The following ACAP3 variants were observed in gnomAD, a reference collection of about 807,000 sequenced individuals.
ACAP3 encodes ArfGAP with coiled-coil, ankyrin repeat and PH domains 3.
A neutral mutation model predicts 104.1 loss-of-function variants in ACAP3; 56 were observed. The observed-to-expected ratio is 0.54, with a 90% CI of 0.43 to 0.67. The LOEUF (loss-of-function observed/expected upper bound fraction) is 0.67. ACAP3 is among the 30% of genes least tolerant of loss of function. The probability of loss-of-function intolerance (pLI) is 0.00; values close to 1 mark genes in which losing one functional copy is unlikely to be tolerated. For missense variants in ACAP3, 1,208 were observed against 1,174.9 expected, an observed-to-expected ratio of 1.03 and a Z score of -0.41; for synonymous variants, 628 against 496.2, an observed-to-expected ratio of 1.27 and a Z score of -3.53.
At position 1,296,574 on chromosome 1, in the gene ACAP3, C is replaced by T; in HGVS notation, c.1188G>A (p.Arg396=). 1 of 1,539,790 alleles carries T rather than the reference C, an allele frequency of 6.5e-7. No homozygotes were observed. The highest frequency in any genetic ancestry group is 8.7e-7 in the Non-Finnish European group (1 of 1,146,678). ...CACTCTCGCCCTTCACGCCACGCTC[C>T]CGAGTGTCGGTGGCGGAGTCGATGC... ...TSSIDSATDT[R]ERGVKGESVL... The change falls in exon 15 of 24, where the codon CGG becomes CGA. Residue 396 remains arginine (R), a synonymous_variant. Transcript: ENST00000354700.
chr1:1,307,872 G>A lies in ACAP3; in HGVS notation c.-57C>T. 2.1e-6 allele frequency: 2 copies of A among 966,948 alleles called. No individual in the cohort carries two copies. Among genetic ancestry groups the A allele is most frequent in the East Asian group, 1.1e-4 (1 of 9,480 alleles). The allele number at this position is 966,948 out of a possible 1,614,324, so 59.9% of individuals were successfully genotyped here. On this transcript the variant is annotated 5_prime_UTR_variant, in exon 1 of 24. Coordinates refer to ENST00000354700, the MANE Select transcript of ACAP3 (RefSeq NM_030649.3). ...AGGACCGCGGCGCCGAGCGGCAGCC[G>A]CGCCGGCCCGGACCGCTCGTCCCGC... is the stretch of plus-strand genomic sequence containing the variant.
At position 1,296,254 on chromosome 1, in the gene ACAP3, A is replaced by T; in HGVS notation, c.1364T>A (p.Val455Glu). The T allele has an allele frequency of 6.4e-7, 1 of 1,561,080 alleles. No homozygotes were observed. Among genetic ancestry groups the T allele is most frequent in the Non-Finnish European group, 8.7e-7 (1 of 1,152,712 alleles). Reference sequence around the variant, plus strand: ...CCACGAGTCCAGCGTCAGGGACCGCACCTTGGAGCAGTGGACACCCAGGCT... The same window carrying T: ...CCACGAGTCCAGCGTCAGGGACCGCTCCTTGGAGCAGTGGACACCCAGGCT... The part of the protein sequence containing the change: ...HRSLGVHCSK[V>E]RSLTLDSWEP... The change falls in exon 16 of 24, where the codon GTG becomes GAG. Residue 455 changes from valine to glutamate, a missense_variant. Coordinates refer to ENST00000354700, the MANE Select transcript of ACAP3 (RefSeq NM_030649.3).
In ACAP3 at chr1:1,299,348, C is replaced by T. The variant is rs562214243; in HGVS notation, c.747G>A (p.Leu249=). Residue 249 remains leucine (L), a synonymous_variant, in exon 10 of 24, where the codon CTG becomes CTA. Transcript: ENST00000354700. ...CCCAGGGCCCGTGCTCACTTACCTG[C>T]AGCAGCGTCTGGAGGGCCGGAGCAG... ...KHAAIQQRTL[L]QDFSYDESKV... is the part of the protein sequence containing the mutation. 14 of 1,584,048 alleles carry T rather than the reference C, an allele frequency of 8.8e-6. No homozygotes were observed. The African/African-American group carries it at 1.4e-4, about 15-fold the overall frequency.
At position 1,293,586 on chromosome 1, in the gene ACAP3, C is replaced by A. The variant is rs1344998149; in HGVS notation, c.2483G>T (p.Ser828Ile). Residue 828 changes from serine (S) to isoleucine (I), a missense_variant, in exon 24 of 24, where the codon AGC (serine) becomes ATC (isoleucine). By Grantham distance (142) the Ser-to-Ile change is moderately radical. Coordinates refer to ENST00000354700, the MANE Select transcript of ACAP3 (RefSeq NM_030649.3). ...GCCCTAGCTCTCTTCCAGGTGGAGG[C>A]TGATGAACTCCTGGATACACCTGCG... ...QFRRCIQEFI[S>I]LHLEES The A allele has an allele frequency of 6.7e-7, 1 of 1,485,394 alleles. No homozygotes were observed. The highest frequency in any genetic ancestry group is 1.2e-5 in the South Asian group (1 of 81,266). The allele number at this position is 1,485,394 out of a possible 1,614,324, so 92.0% of individuals were successfully genotyped here. A position where few individuals can be genotyped will look rare whatever the true frequency, so the allele number is the denominator to read the frequency against.
Position 1,296,088 on chromosome 1 carries a change from T to C in ACAP3, c.1429A>G (p.Ser477Gly). The C allele has an allele frequency of 6.2e-7, 1 of 1,612,758 alleles. No homozygotes were observed. The highest frequency in any genetic ancestry group is 8.5e-7 in the Non-Finnish European group (1 of 1,179,966). ...LLKLMCELGN[S>G]AVNQIYEAQC... ...GCCTCATAGATCTGATTCACAGCGCTGTTTCCAAGCTCACACATCAGCTAG... is the reference window on the plus strand; with the variant it reads ...GCCTCATAGATCTGATTCACAGCGCCGTTTCCAAGCTCACACATCAGCTAG... The change falls in exon 17 of 24, where the codon AGC becomes GGC. Residue 477 changes from serine (S) to glycine (G), a missense_variant. Ser to Gly is a moderately conservative substitution (Grantham distance 56). Transcript: ENST00000354700.
At chr1:1,304,202 A>C in intron 1 of ACAP3, 59 bp from the exon 2 acceptor site, 1 of 1,540,708 alleles carries the variant, frequency 6.5e-7, no homozygotes, top group Non-Finnish European at 8.8e-7. Flanking sequence ...TCGGGGCTTC[A>C]CCTCCCCCCG....
intron 1 of ACAP3, chr1:1,304,820 G>T (rs375390225): frequency 6.6e-6 from 1 of 152,410 alleles, no homozygotes; most frequent in African/African-American, 2.4e-5. Flanking sequence ...GAGAAGCCTC[G>T]GCGGGAGAAT....
intron 21 of ACAP3, 58 bp downstream of exon 21, chr1:1,294,341 CAGA>C (rs1641010618): frequency 6.5e-7 from 1 of 1,528,014 alleles, no homozygotes; most frequent in Non-Finnish European, 8.8e-7. Flanking sequence ...GTGGGCGCCA[CAGA>C]AGATGCAAAC....
chr1:1,295,296 G>C, intron 19 of ACAP3, 151 bp downstream of exon 19: 1 of 668,788 alleles, frequency 1.5e-6, no homozygotes, highest in Admixed American at 2.7e-5. Context: ...CTGACAGTCA[G>C]GGCCTTGGCC....
chr1:1,293,533 G>A lies in ACAP3; in HGVS notation c.*31C>T. The A allele has an allele frequency of 7.0e-7, 1 of 1,436,446 alleles. No homozygotes were observed. The highest frequency in any genetic ancestry group is 9.1e-7 in the Non-Finnish European group (1 of 1,102,894). 89.0% of individuals were successfully genotyped at this position (1,436,446 alleles called of 1,614,324 possible). A position where few individuals can be genotyped will look rare whatever the true frequency, so the allele number is the denominator to read the frequency against. Reference sequence around the variant, plus strand: ...CGGGGCATGCGGGGCGTCGGGCCGGGCGGGGTGGCAGCTGCCCGGCCTGCC... The same window carrying A: ...CGGGGCATGCGGGGCGTCGGGCCGGACGGGGTGGCAGCTGCCCGGCCTGCC... On this transcript the variant is annotated 3_prime_UTR_variant, in exon 24 of 24. Transcript: ENST00000354700.
intron 1 of ACAP3, among the ~76,000 whole-genome samples, chr1:1,306,455 C>T (rs11810839): frequency 0.013 from 1,908 of 152,278 alleles, 49 homozygotes; most frequent in African/African-American, 0.044. Context: ...TATTCAACCC[C>T]TTTTCCCAGG....
chr1:1,305,818 C>T (rs1482702834), intron 1 of ACAP3: 1 of 152,206 alleles, frequency 6.6e-6, no homozygotes, highest in African/African-American at 2.4e-5. Flanking sequence ...TACACGGGCT[C>T]CCCTGGCCTC....
In ACAP3 at chr1:1,293,605, A is replaced by G; in HGVS notation, c.2464T>C (p.Cys822Arg). Residue 822 changes from cysteine to arginine, a missense_variant, in exon 24 of 24, where the codon TGT becomes CGT. Cys to Arg is a radical substitution (Grantham distance 180). Coordinates refer to ENST00000354700, the MANE Select transcript of ACAP3 (RefSeq NM_030649.3). ...TGGAGGCTGATGAACTCCTGGATAC[A>G]CCTGCGGAACTGGAGCTCCGTGGGG... The part of the protein sequence containing the change: ...GSPTELQFRR[C>R]IQEFISLHLE... 1 of 1,495,722 alleles carries G rather than the reference A, an allele frequency of 6.7e-7. No homozygotes were observed. Among genetic ancestry groups the G allele is most frequent in the Non-Finnish European group, 8.9e-7 (1 of 1,127,780 alleles). The allele number at this position is 1,495,722 out of a possible 1,614,324, so 92.7% of individuals were successfully genotyped here.
chr1:1,300,337 C>T, intron 6 of ACAP3, 135 bp from the exon 7 acceptor site: 1 of 1,270,192 alleles, frequency 7.9e-7, no homozygotes, highest in Non-Finnish European at 1.1e-6. Flanking sequence ...AGCTCTGGGC[C>T]AGCCTCATCC....
In ACAP3 at chr1:1,294,188, G is replaced by A. The variant is rs774839761; in HGVS notation, c.2151C>T (p.Ile717=). The change falls in exon 22 of 24, where the codon ATC becomes ATT. Residue 717 remains isoleucine (I), a synonymous_variant. Coordinates refer to ENST00000354700, the MANE Select transcript of ACAP3 (RefSeq NM_030649.3). The part of the protein sequence containing the change: ...LVQAVLGGSL[I]VCEFLLQNGA... ...CGTTTTGCAGCAGGAACTCACAGAC[G>A]ATCAAGGAGCCCTGGGGAGCCGGGG... The A allele has an allele frequency of 1.9e-6, 3 of 1,590,222 alleles. No individual in the cohort carries two copies. Among genetic ancestry groups the A allele is most frequent in the Non-Finnish European group, 2.6e-6 (3 of 1,168,558 alleles).
At position 1,300,500 on chromosome 1, in the gene ACAP3, G is replaced by A. The variant is rs780184437; in HGVS notation, c.522+9C>T. On this transcript the variant is annotated intron_variant, in intron 6 of 23. Transcript: ENST00000354700. ...GGTCCCCGCCCCCCAGCCCATTTCT[G>A]GGGCTGACCTGGAGCACATAGTCCA... The A allele has an allele frequency of 1.2e-5, 20 of 1,603,446 alleles. No homozygotes were observed. The highest frequency in any genetic ancestry group is 1.7e-5 in the Non-Finnish European group (20 of 1,175,878).
Position 1,293,333 on chromosome 1 carries a change from G to A in ACAP3, c.*231C>T, listed in dbSNP as rs1640923658. 1 of 338,740 alleles carries A rather than the reference G, an allele frequency of 3.0e-6. No homozygotes were observed. Among genetic ancestry groups the A allele is most frequent in the South Asian group, 9.8e-5 (1 of 10,250 alleles). The allele number at this position is 338,740 out of a possible 1,614,324, so 21.0% of individuals were successfully genotyped here. On this transcript the variant is annotated 3_prime_UTR_variant, in exon 24 of 24. Coordinates refer to ENST00000354700, the MANE Select transcript of ACAP3 (RefSeq NM_030649.3). ...GACAGAGGTTCCCCAGGTGGGGTGA[G>A]GGACACCCGACGATGCAGCACCCCC...
chr1:1,302,485 G>A (rs1641486153), intron 4 of ACAP3, among the ~76,000 whole-genome samples: 2 of 152,182 alleles, frequency 1.3e-5, no homozygotes, highest in Admixed American at 6.5e-5. Context: ...AGGAGCAAAG[G>A]GACGGCTGAG....
chr1:1,298,821 C>T, intron 10 of ACAP3, 142 bp from the exon 11 acceptor site: 1 of 665,034 alleles, frequency 1.5e-6, no homozygotes, highest in Non-Finnish European at 2.6e-6. Context: ...ACGAGAGACC[C>T]TCTGTTCACC....
Sources: allele counts gnomAD v4.1 joint callset (sites outside exome capture counted in the v4.1 genomes callset), GRCh38; gene constraint gnomAD v4.1.1; transcripts MANE v1.5; gene names NCBI Gene and HGNC (gene_info 2026-07-23, HGNC 2026-07-21).